Variants in NTRK3 observed in about 807,000 individuals in gnomAD.
NTRK3 encodes neurotrophic receptor tyrosine kinase 3.
Under a neutral mutation model 91.7 loss-of-function variants are expected in NTRK3, and 24 were observed. The observed-to-expected ratio is 0.26, with a 90% confidence interval of 0.19 to 0.37. The LOEUF is 0.37. Ranked by LOEUF, NTRK3 falls within the 10% of genes least tolerant of loss-of-function variation. NTRK3 has a pLI of 1.00. For synonymous variants in NTRK3, 483 were observed against 404.0 expected (o/e 1.20, Z -2.34); for missense variants, 880 against 1,068.9 (o/e 0.82, Z 2.46).
At chr15:87,970,593 A>G (rs1361540815) in intron 14 of NTRK3, among the ~76,000 whole-genome samples, 3 of 152,224 alleles carry the variant, frequency 2.0e-5, no homozygotes, top group East Asian at 1.9e-4. Flanking sequence ...AGAATTGGAA[A>G]GAGGTAGAAT....
intron 5 of NTRK3, among the ~76,000 whole-genome samples, chr15:88,178,099 G>A (rs1438631416): frequency 1.3e-5 from 2 of 152,182 alleles, no homozygotes; most frequent in Non-Finnish European, 2.9e-5. Context: ...GAAGAAGGAG[G>A]ATACTTGTGG....
At chr15:87,930,034 G>A (rs1239754425) in intron 16 of NTRK3, among the ~76,000 whole-genome samples, 2 of 152,242 alleles carry the variant, frequency 1.3e-5, no homozygotes, top group Admixed American at 6.5e-5. Context: ...ATTCTGATTG[G>A]CTAGGTGAGC....
intron 13 of NTRK3, among the ~76,000 whole-genome samples, chr15:88,123,534 A>T (rs1390880744): frequency 6.6e-6 from 1 of 152,214 alleles, no homozygotes; most frequent in Non-Finnish European, 1.5e-5. Flanking sequence ...AAAATAATTG[A>T]AGAGATTTAT....
chr15:87,866,307 C>T (rs1484528533), exon 19 of NTRK3: 5 of 192,154 alleles, frequency 2.6e-5, no homozygotes. Context: ...CCAACTCTTT[C>T]CTAAAGAAAT....
chr15:87,993,147 T>G (rs995301531), intron 14 of NTRK3, among the ~76,000 whole-genome samples: 17 of 152,180 alleles, frequency 1.1e-4, no homozygotes, highest in Non-Finnish European at 1.9e-4. Flanking sequence ...AACCAACATC[T>G]TCAAGTCCCA....
chr15:87,960,420 G>GTCTC, intron 14 of NTRK3, among the ~76,000 whole-genome samples: 1 of 151,060 alleles, frequency 6.6e-6, no homozygotes. Context: ...TCTAGCACCC[G>GTCTC]TCTCTCTTCA....
chr15:87,994,380 A>G (rs1220467844), intron 14 of NTRK3, among the ~76,000 whole-genome samples: 1 of 152,238 alleles, frequency 6.6e-6, no homozygotes, highest in Non-Finnish European at 1.5e-5. Context: ...GTCCTTATAC[A>G]AAGGAAAAAT....
intron 3 of NTRK3, among the ~76,000 whole-genome samples, chr15:88,187,693 C>T (rs1370038766): frequency 6.6e-6 from 1 of 151,974 alleles, no homozygotes; most frequent in Non-Finnish European, 1.5e-5. Context: ...ACAGACTTTG[C>T]GAGGCTGAGG....
chr15:87,929,275 C>T (rs267604362), exon 17 of NTRK3: 17 of 1,613,992 alleles, frequency 1.1e-5, no homozygotes, highest in Admixed American at 1.7e-5. Flanking sequence ...CCAGGCAGTT[C>T]CTGGTGGCCA....
chr15:88,038,998 G>A (rs1406284076), intron 13 of NTRK3, among the ~76,000 whole-genome samples: 1 of 152,104 alleles, frequency 6.6e-6, no homozygotes, highest in Non-Finnish European at 1.5e-5. Context: ...AGTGAAGGAG[G>A]GAAAAGTAAT....
intron 13 of NTRK3, among the ~76,000 whole-genome samples, chr15:88,067,791 A>G (rs190877150): frequency 6.6e-6 from 1 of 152,202 alleles, no homozygotes; most frequent in African/African-American, 2.4e-5. Flanking sequence ...CTATAAAATG[A>G]GAATCCTGTA....
chr15:88,229,122 C>T (rs1008841962), intron 3 of NTRK3, among the ~76,000 whole-genome samples: 2 of 152,202 alleles, frequency 1.3e-5, no homozygotes, highest in Non-Finnish European at 2.9e-5. Context: ...GCCAATCTCC[C>T]ATTGTCTAAT....
At chr15:87,940,852 C>A (rs2142022527) in intron 14 of NTRK3, 99 bp from the exon 15 acceptor site, 1 of 1,566,064 alleles carries the variant, frequency 6.4e-7, no homozygotes, top group South Asian at 1.1e-5. Flanking sequence ...GAACTTGGTT[C>A]TGAGCCTACA....
rs113401184 is a variant in NTRK3, at chr15:88,164,115, T to G, written c.396-16712A>C. ...AGCTCCCCATAGAAATTTGTTCATT[T>G]ACTCCATTTCCAGAGGAATCCAGGG... On this transcript the variant is annotated intron_variant, in intron 5 of 18. Coordinates refer to ENST00000394480, the Ensembl canonical transcript of NTRK3. Among the ~76,000 whole-genome samples the G allele has an allele frequency of 6.4e-3, 980 of 152,358 alleles. 7 individuals carry two copies. The highest frequency in any genetic ancestry group is 0.041 in the Middle Eastern group (12 of 294).
intron 14 of NTRK3, among the ~76,000 whole-genome samples, chr15:87,991,335 C>T (rs755209172): frequency 3.9e-5 from 6 of 152,152 alleles, no homozygotes; most frequent in Non-Finnish European, 7.3e-5. Flanking sequence ...CAAAACCTAC[C>T]GGATTGGGAT....
chr15:88,148,803 C>T (rs551526119), intron 5 of NTRK3, among the ~76,000 whole-genome samples: 34 of 152,238 alleles, frequency 2.2e-4, no homozygotes, highest in African/African-American at 7.9e-4. Flanking sequence ...CTGCTACAGT[C>T]TTCCAACCAA....
At chr15:88,116,136 C>G (rs558792294) in intron 13 of NTRK3, among the ~76,000 whole-genome samples, 4 of 152,280 alleles carry the variant, frequency 2.6e-5, no homozygotes, top group African/African-American at 9.6e-5. Context: ...TGACAGTTTA[C>G]TGAAATCAAC....
chr15:88,162,156 A>G (rs2044516979), intron 5 of NTRK3, among the ~76,000 whole-genome samples: 2 of 152,166 alleles, frequency 1.3e-5, no homozygotes, highest in Admixed American at 1.3e-4. Flanking sequence ...GCCACAGCAA[A>G]TCAGGATATA....
chr15:88,200,694 T>G (rs921162870), intron 3 of NTRK3, among the ~76,000 whole-genome samples: 1 of 152,234 alleles, frequency 6.6e-6, no homozygotes, highest in Non-Finnish European at 1.5e-5. Flanking sequence ...TCCCCAGCCA[T>G]GTGGAACTGT....
Sources: allele counts gnomAD v4.1 joint callset (sites outside exome capture counted in the v4.1 genomes callset), GRCh38; gene constraint gnomAD v4.1.1; transcripts MANE v1.5; gene names NCBI Gene and HGNC (gene_info 2026-07-23, HGNC 2026-07-21).